NPAS3: variants seen among roughly 807,000 people sequenced by gnomAD.
NPAS3 encodes the protein neuronal PAS domain-containing protein 3.
Under a neutral mutation model 73.1 loss-of-function variants are expected in NPAS3, and 14 were observed. The observed-to-expected ratio is 0.19, with a 90% CI of 0.13 to 0.30. The LOEUF (loss-of-function observed/expected upper bound fraction) is 0.30. NPAS3 is among the 10% of genes least tolerant of loss of function. NPAS3 has a pLI of 1.00. For synonymous variants in NPAS3, 620 were observed against 541.5 expected (o/e 1.14, Z -2.01); for missense variants, 1,096 against 1,250.0 (o/e 0.88, Z 1.86).
intron 5 of NPAS3, among the ~76,000 whole-genome samples, chr14:33,669,894 G>GT (rs908665423): frequency 5.3e-5 from 8 of 151,962 alleles, no homozygotes; most frequent in East Asian, 1.9e-4. Flanking sequence ...GTTGTTGTTT[G>GT]TTTTTTTGGG....
At chr14:33,007,124 G>A (rs1374368081) in intron 1 of NPAS3, among the ~76,000 whole-genome samples, 1 of 152,174 alleles carries the variant, frequency 6.6e-6, no homozygotes, top group African/African-American at 2.4e-5. Context: ...ATAATTTTAA[G>A]TGTTAATTTA....
At chr14:33,768,640 T>C (rs1220457979) in intron 7 of NPAS3, among the ~76,000 whole-genome samples, 1 of 152,180 alleles carries the variant, frequency 6.6e-6, no homozygotes, top group South Asian at 2.1e-4. Context: ...GTGAGAATTG[T>C]AGGCATCATT....
intron 2 of NPAS3, among the ~76,000 whole-genome samples, chr14:33,150,588 G>A (rs894456550): frequency 2.6e-5 from 4 of 152,080 alleles, no homozygotes; most frequent in African/African-American, 7.2e-5. Flanking sequence ...AATTCAATAC[G>A]TAAAGTTATA....
At chr14:33,327,242 A>C (rs1324816700) in intron 3 of NPAS3, among the ~76,000 whole-genome samples, 1 of 152,194 alleles carries the variant, frequency 6.6e-6, no homozygotes, top group Non-Finnish European at 1.5e-5. Context: ...TTCACCACTT[A>C]CTGAATGCAC....
intron 1 of NPAS3, among the ~76,000 whole-genome samples, chr14:33,045,386 A>G (rs750593834): frequency 1.3e-5 from 2 of 152,200 alleles, no homozygotes; most frequent in African/African-American, 2.4e-5. Context: ...GTGACCTGCT[A>G]TGAAGTGTTA....
intron 6 of NPAS3, among the ~76,000 whole-genome samples, chr14:33,678,737 AC>A (rs2140347907): frequency 1.5e-5 from 2 of 136,040 alleles, no homozygotes; most frequent in Non-Finnish European, 3.1e-5. Context: ...ATACATGTTG[AC>A]AGTGAGACTT....
chr14:33,193,111 A>G (rs1369939288), intron 2 of NPAS3, among the ~76,000 whole-genome samples: 1 of 152,090 alleles, frequency 6.6e-6, no homozygotes, highest in Non-Finnish European at 1.5e-5. Context: ...TATACATAAA[A>G]GTTCTGGCTT....
At chr14:33,668,484 A>C (rs987090693) in intron 5 of NPAS3, among the ~76,000 whole-genome samples, 6 of 152,204 alleles carry the variant, frequency 3.9e-5, no homozygotes, top group African/African-American at 1.2e-4. Flanking sequence ...CATCCCCAGA[A>C]TTATTATGGT....
chr14:33,106,457 T>C (rs2042724178), intron 2 of NPAS3, among the ~76,000 whole-genome samples: 1 of 152,138 alleles, frequency 6.6e-6, no homozygotes, highest in South Asian at 2.1e-4. Flanking sequence ...TAGAGTAAAA[T>C]TTTCAAAATT....
intron 2 of NPAS3, among the ~76,000 whole-genome samples, chr14:33,137,756 C>T (rs78023439): frequency 1.8e-3 from 277 of 152,134 alleles, no homozygotes; most frequent in Non-Finnish European, 3.0e-3. Context: ...GTATCTTTGT[C>T]GTGTTAGTTG....
intron 2 of NPAS3, among the ~76,000 whole-genome samples, chr14:33,113,480 G>A (rs548145168): frequency 6.6e-6 from 1 of 152,206 alleles, no homozygotes; most frequent in Non-Finnish European, 1.5e-5. Flanking sequence ...TCTGTTATTA[G>A]TGTATAAGAA....
intron 5 of NPAS3, chr14:33,578,238 G>T (rs2056523388): frequency 2.2e-6 from 1 of 455,618 alleles, no homozygotes; most frequent in Non-Finnish European, 4.4e-6. Context: ...TTGTTGCCCA[G>T]GCTGGAGTGC....
intron 4 of NPAS3, among the ~76,000 whole-genome samples, chr14:33,456,218 G>T (rs8022941): frequency 9.2e-5 from 14 of 152,132 alleles, no homozygotes. Flanking sequence ...CCATGGAAAG[G>T]GGGCCCTGCA....
chr14:33,387,250 A>C (rs2046810896), intron 4 of NPAS3, among the ~76,000 whole-genome samples: 1 of 152,132 alleles, frequency 6.6e-6, no homozygotes, highest in Non-Finnish European at 1.5e-5. Context: ...TCAGCCCCTC[A>C]GGGGAATGGC....
chr14:33,427,534 T>C (rs541191789), intron 4 of NPAS3, among the ~76,000 whole-genome samples: 1 of 151,774 alleles, frequency 6.6e-6, no homozygotes, highest in South Asian at 2.1e-4. Context: ...TCTCCGTGAA[T>C]GGGACTAAGG....
At chr14:32,941,226 CT>C (rs2035981437) in intron 1 of NPAS3, among the ~76,000 whole-genome samples, 23 of 55,778 alleles carry the variant, frequency 4.1e-4, no homozygotes, top group African/African-American at 1.6e-3. Context: ...TCCTCCCTCC[CT>C]CCCTTCCCCT....
At chr14:33,670,547 G>T (rs1315752948) in intron 5 of NPAS3, among the ~76,000 whole-genome samples, 1 of 151,488 alleles carries the variant, frequency 6.6e-6, no homozygotes, top group Non-Finnish European at 1.5e-5. Context: ...GAAAACCTAT[G>T]CTAATCAAGC....
chr14:33,211,161 C>T (rs2047020222), intron 2 of NPAS3, among the ~76,000 whole-genome samples: 1 of 152,170 alleles, frequency 6.6e-6, no homozygotes, highest in Non-Finnish European at 1.5e-5. Flanking sequence ...AGTATTATCC[C>T]ATTTCACAGA....
rs1280716729 is a variant in NPAS3 at position 33,308,525 on chromosome 14, T to TACACACACACACAC, written c.386-58660_386-58659insCACACACACACACA. Among the ~76,000 whole-genome samples, 712 of 82,438 alleles carry TACACACACACACAC rather than the reference T, an allele frequency of 8.6e-3. 20 individuals carry two copies. Among genetic ancestry groups the TACACACACACACAC allele is most frequent in the African/African-American group, 0.029 (574 of 20,018 alleles). 54.1% of individuals were successfully genotyped at this position (82,438 alleles called of 152,430 possible). On this transcript the variant is annotated intron_variant, in intron 3 of 11. Coordinates refer to ENST00000356141, the Ensembl canonical transcript of NPAS3. ...ATTGCATAGTTTATATATATATATA[T>TACACACACACACAC]ATACATACACACACACACACACACA...
Sources: allele counts gnomAD v4.1 joint callset (sites outside exome capture counted in the v4.1 genomes callset), GRCh38; gene constraint gnomAD v4.1.1; transcripts MANE v1.5; gene names NCBI Gene and HGNC (gene_info 2026-07-23, HGNC 2026-07-21).